Variants in STXBP5 observed in about 807,000 individuals in gnomAD.
STXBP5 encodes the protein syntaxin binding protein 5, also known as syntaxin-binding protein 5.
STXBP5 carries 50 observed loss-of-function variants against 152.4 expected under a neutral mutation model. The observed-to-expected ratio is 0.33, with a 90% confidence interval of 0.26 to 0.42. STXBP5 has a LOEUF of 0.42. Among genes scored for constraint, STXBP5 ranks in the 10% least tolerant of loss-of-function variants. STXBP5 has a pLI of 1.00. For missense variants in STXBP5, 1,167 were observed against 1,388.6 expected, an observed-to-expected ratio of 0.84 and a Z score of 2.54; for synonymous variants, 492 against 494.7, an observed-to-expected ratio of 0.99 and a Z score of 0.07.
intron 2 of STXBP5, among the ~76,000 whole-genome samples, chr6:147,220,425 G>A (rs1458343891): frequency 6.6e-6 from 1 of 151,996 alleles, no homozygotes; most frequent in Non-Finnish European, 1.5e-5. Flanking sequence ...AGCTCTGTTG[G>A]CACTTTTTTT....
intron 3 of STXBP5, 63 bp from the exon 4 acceptor site, chr6:147,239,107 T>C (rs1034506732): frequency 7.0e-7 from 1 of 1,418,972 alleles, no homozygotes. Flanking sequence ...CTGGCAGCTA[T>C]TGAGTAGACT....
chr6:147,246,238 A>G (rs530322906), intron 4 of STXBP5, among the ~76,000 whole-genome samples: 1 of 152,292 alleles, frequency 6.6e-6, no homozygotes, highest in Non-Finnish European at 1.5e-5. Flanking sequence ...TCGTGGGTTG[A>G]TCAGCAGCTA....
intron 19 of STXBP5, among the ~76,000 whole-genome samples, chr6:147,335,089 G>A (rs1042848646): frequency 2.0e-5 from 3 of 152,092 alleles, no homozygotes; most frequent in East Asian, 1.9e-4. Context: ...ATACTAACTA[G>A]TCGATTATTT....
chr6:147,271,360 C>G (rs986438474), intron 7 of STXBP5, among the ~76,000 whole-genome samples: 6 of 152,026 alleles, frequency 3.9e-5, no homozygotes, highest in African/African-American at 1.4e-4. Context: ...ACAGAGTAGA[C>G]ATTCTTTTCA....
At chr6:147,244,645 A>C (rs931122938) in intron 4 of STXBP5, among the ~76,000 whole-genome samples, 1 of 152,202 alleles carries the variant, frequency 6.6e-6, no homozygotes, top group African/African-American at 2.4e-5. Context: ...AGCATTTAGA[A>C]TCAGTGAAAT....
intron 21 of STXBP5, among the ~76,000 whole-genome samples, chr6:147,344,881 A>G (rs971136350): frequency 2.0e-5 from 3 of 152,210 alleles, no homozygotes; most frequent in African/African-American, 7.2e-5. Context: ...TTATGATGTT[A>G]TTTAGACATT....
At position 147,206,537 on chromosome 6, in the gene STXBP5, ATT is replaced by A. The variant is rs375520960; in HGVS notation, c.248+470_248+471del. 7.2e-3 allele frequency among the ~76,000 whole-genome samples: 1,096 copies of A among 152,292 alleles called. 11 individuals carry two copies. The highest frequency in any genetic ancestry group is 0.025 in the African/African-American group (1,052 of 41,576). Reference sequence around the variant, plus strand: ...TTTGGCATGTCCGTGTAGAAAAACAATTAGCAGAAGTGTAGCAAATTAATTTT... The same window carrying A: ...TTTGGCATGTCCGTGTAGAAAAACAAAGCAGAAGTGTAGCAAATTAATTTT... On this transcript the variant is annotated intron_variant, in intron 2 of 27. Transcript: ENST00000321680.
chr6:147,357,564 G>T (rs1373264460), intron 22 of STXBP5, among the ~76,000 whole-genome samples: 1 of 152,112 alleles, frequency 6.6e-6, no homozygotes, highest in Admixed American at 6.6e-5. Context: ...ATTTAATTAT[G>T]TTGTGTTAGT....
intron 2 of STXBP5, 141 bp from the exon 3 acceptor site, chr6:147,235,109 A>C: frequency 1.5e-6 from 1 of 651,356 alleles, no homozygotes. Flanking sequence ...ATGTGTAACA[A>C]ACCTAACTCT....
intron 9 of STXBP5, among the ~76,000 whole-genome samples, chr6:147,295,807 G>A (rs115121517): frequency 0.031 from 4,755 of 152,316 alleles, 71 homozygotes; most frequent in Middle Eastern, 0.051. Context: ...ATGCTCCAGA[G>A]AATGAACAAT....
chr6:147,225,639 G>A (rs1777672395), intron 2 of STXBP5, among the ~76,000 whole-genome samples: 1 of 152,178 alleles, frequency 6.6e-6, no homozygotes, highest in Non-Finnish European at 1.5e-5. Context: ...GAATATGTGT[G>A]TCAGACATTT....
intron 3 of STXBP5, among the ~76,000 whole-genome samples, chr6:147,237,298 T>A (rs991526096): frequency 6.6e-6 from 1 of 152,106 alleles, no homozygotes; most frequent in Admixed American, 6.6e-5. Context: ...AAATACATTA[T>A]AAATACATAA....
chr6:147,295,388 C>T (rs1037277601), intron 9 of STXBP5, among the ~76,000 whole-genome samples: 5 of 152,098 alleles, frequency 3.3e-5, no homozygotes, highest in African/African-American at 7.2e-5. Context: ...AACCTAAAAG[C>T]GAATATTGGG....
At chr6:147,298,234 T>TA (rs1781629498) in intron 9 of STXBP5, among the ~76,000 whole-genome samples, 3 of 151,930 alleles carry the variant, frequency 2.0e-5, no homozygotes, top group Admixed American at 6.6e-5. Context: ...TCAAAAACTG[T>TA]AAAAAATGAC....
chr6:147,355,164 T>C lies in STXBP5; in HGVS notation c.2305+1791T>C, dbSNP rs377378826. 7.4e-4 allele frequency among the ~76,000 whole-genome samples: 113 copies of C among 152,328 alleles called. 1 individual carries two copies. In the South Asian group the frequency reaches 0.02, roughly 27 times the overall value. On this transcript the variant is annotated intron_variant, in intron 22 of 27. Coordinates refer to ENST00000321680, the MANE Select transcript of STXBP5 (RefSeq NM_001127715.4). ...TCCATGGGTGATTTTGTTACACTTA[T>C]GATTGTCACATTTCAAATGTCAGCC...
chr6:147,285,522 G>T (rs1346661052), intron 8 of STXBP5, among the ~76,000 whole-genome samples: 2 of 151,260 alleles, frequency 1.3e-5, no homozygotes, highest in Non-Finnish European at 3.0e-5. Flanking sequence ...AATACAGGAT[G>T]ATCACTCTAA....
At chr6:147,245,899 G>C (rs978369616) in intron 4 of STXBP5, among the ~76,000 whole-genome samples, 1 of 152,196 alleles carries the variant, frequency 6.6e-6, no homozygotes, top group African/African-American at 2.4e-5. Context: ...AGAGCCATCA[G>C]AGAGGGCAGC....
Position 147,204,500 on chromosome 6 carries a change from C to G in STXBP5, c.-33C>G. ...CCGCCCGGGGACCCCCTGTGCCTCC[C>G]CTCCCGGGCTGCGGGGGAGCCCCTC... On this transcript the variant is annotated 5_prime_UTR_variant, in exon 1 of 28. Coordinates refer to ENST00000321680, the MANE Select transcript of STXBP5 (RefSeq NM_001127715.4). This position sits in a 1 kb window ranked among gnomAD's most constrained non-coding sequence, Gnocchi z 4.3. The G allele has an allele frequency of 6.2e-7, 1 of 1,607,246 alleles. No homozygotes were observed. Among genetic ancestry groups the G allele is most frequent in the Non-Finnish European group, 8.5e-7 (1 of 1,177,846 alleles).
chr6:147,225,122 A>G (rs914007428), intron 2 of STXBP5, among the ~76,000 whole-genome samples: 51 of 152,180 alleles, frequency 3.4e-4, no homozygotes, highest in Non-Finnish European at 5.9e-5. Flanking sequence ...TTTCTGATGA[A>G]TTAAAATTGT....
Sources: allele counts gnomAD v4.1 joint callset (sites outside exome capture counted in the v4.1 genomes callset), GRCh38; gene constraint gnomAD v4.1.1; non-coding constraint Gnocchi (gnomAD v3.1); transcripts MANE v1.5; gene names NCBI Gene and HGNC (gene_info 2026-07-23, HGNC 2026-07-21).